The following FBXO34 variants were observed in gnomAD, a reference collection of about 807,000 sequenced individuals.
FBXO34 encodes F-box only protein 34.
Under a neutral mutation model 24.5 loss-of-function variants are expected in FBXO34, and 12 were observed. That is an observed-to-expected ratio of 0.49 (90% CI 0.31 to 0.79). The LOEUF is 0.79. FBXO34 is among the 30% of genes least tolerant of loss of function. The pLI is 0.04. For missense variants in FBXO34, 823 were observed against 857.7 expected, an observed-to-expected ratio of 0.96 and a Z score of 0.51; for synonymous variants, 320 against 311.9, an observed-to-expected ratio of 1.03 and a Z score of -0.27.
intron 1 of FBXO34, among the ~76,000 whole-genome samples, chr14:55,286,768 T>A (rs2139664831): frequency 6.6e-6 from 1 of 152,282 alleles, no homozygotes; most frequent in South Asian, 2.1e-4. Context: ...GAGTATCTCT[T>A]ATCTTACATG....
intron 3 of FBXO34, among the ~76,000 whole-genome samples, chr14:55,361,339 G>A (rs1335451864): frequency 1.3e-5 from 2 of 152,200 alleles, no homozygotes; most frequent in Non-Finnish European, 2.9e-5. Flanking sequence ...CTGAGCAGTA[G>A]GTCTCAATTG....
chr14:55,351,330 A>G lies in FBXO34; in HGVS notation c.940A>G (p.Arg314Gly). 6.2e-7 allele frequency: 1 copy of G among 1,614,246 alleles called. No homozygotes were observed. The highest frequency in any genetic ancestry group is 1.3e-5 in the African/African-American group (1 of 75,070). Reference protein sequence around the residue: ...RNNSFRRNVGRVLLANSTQAD... With the variant: ...RNNSFRRNVGGVLLANSTQAD... ...TAACAGCTTCCGTCGAAATGTGGGC[A>G]GAGTATTGCTTGCAAATAGCACTCA... Residue 314 changes from arginine (R) to glycine (G), a missense_variant, in exon 2 of 2, where the codon AGA (arginine) becomes GGA (glycine). Arg to Gly is a moderately radical substitution (Grantham distance 125). Transcript: ENST00000313833.
the FBXO34 span, among the ~76,000 whole-genome samples, chr14:55,426,831 C>A: frequency 6.6e-6 from 1 of 152,220 alleles, no homozygotes; most frequent in Non-Finnish European, 1.5e-5. Context: ...GCCTTACTGG[C>A]AACCCTTCCA....
At chr14:55,382,671 C>T in the FBXO34 span, among the ~76,000 whole-genome samples, 66 of 152,222 alleles carry the variant, frequency 4.3e-4, no homozygotes, top group East Asian at 0.012. Flanking sequence ...CTGAAATATA[C>T]GTAGATAAGA....
At position 55,323,024 on chromosome 14, in the gene FBXO34, A is replaced by AAAAAAAC. The variant is rs1555337875; in HGVS notation, c.-10-27351_-10-27350insCAAAAAA. Among the ~76,000 whole-genome samples, 540 of 70,620 alleles carry AAAAAAAC rather than the reference A, an allele frequency of 7.6e-3. 6 individuals are homozygous for AAAAAAAC. The highest frequency in any genetic ancestry group is 0.02 in the Middle Eastern group (4 of 198). The allele number at this position is 70,620 out of a possible 152,430, so 46.3% of individuals were successfully genotyped here. On this transcript the variant is annotated intron_variant, in intron 1 of 1. Coordinates refer to ENST00000313833, the MANE Select transcript of FBXO34 (RefSeq NM_017943.4). The stretch of plus-strand genomic sequence containing the variant: ...CCATCTCTACTAAAAATACAAAAAA[A>AAAAAAAC]AAAAAAAAAGCAAAAACGGGCATGA...
At chr14:55,286,393 C>T (rs996061584) in intron 1 of FBXO34, among the ~76,000 whole-genome samples, 1 of 152,102 alleles carries the variant, frequency 6.6e-6, no homozygotes, top group Non-Finnish European at 1.5e-5. Context: ...TTGCGTTGTA[C>T]GGCTGTGGTG....
At position 55,302,837 on chromosome 14, in the gene FBXO34, CTAATG is replaced by C. The variant is rs1012259779; in HGVS notation, c.-11+31304_-11+31308del. On this transcript the variant is annotated intron_variant, in intron 1 of 1. Coordinates refer to ENST00000313833, the MANE Select transcript of FBXO34 (RefSeq NM_017943.4). ...TCTTCTTTGGAAAATCTTTTAAAAA[CTAATG>C]TAAGTAGTTTTGGGGCAAATGCGGC... 8.5e-5 allele frequency among the ~76,000 whole-genome samples: 13 copies of C among 152,180 alleles called. No individual in the cohort carries two copies. The South Asian group carries it at 1.7e-3, about 19-fold the overall frequency.
chr14:55,373,204 T>A (rs1594775696), downstream of FBXO34, among the ~76,000 whole-genome samples: 2 of 152,374 alleles, frequency 1.3e-5, no homozygotes, highest in South Asian at 4.1e-4. Context: ...TTTAGCTGAA[T>A]AATGGATATC....
chr14:55,330,709 T>A (rs1244134835), intron 1 of FBXO34, among the ~76,000 whole-genome samples: 1 of 152,124 alleles, frequency 6.6e-6, no homozygotes, highest in African/African-American at 2.4e-5. Context: ...GAGGATGGCT[T>A]GAGGCTGGGA....
the FBXO34 span, among the ~76,000 whole-genome samples, chr14:55,396,205 G>A: frequency 6.6e-6 from 1 of 152,040 alleles, no homozygotes; most frequent in Non-Finnish European, 1.5e-5. Flanking sequence ...TTCTACAAAT[G>A]TCCACAATAA....
intron 1 of FBXO34, among the ~76,000 whole-genome samples, chr14:55,314,760 T>A (rs1882871863): frequency 6.6e-6 from 1 of 152,258 alleles, no homozygotes. Context: ...TGAACTTTTA[T>A]CACTATTCTT....
chr14:55,401,777 A>G, the FBXO34 span, among the ~76,000 whole-genome samples: 1 of 152,214 alleles, frequency 6.6e-6, no homozygotes, highest in Admixed American at 6.5e-5. Flanking sequence ...GAAAGCACAC[A>G]ACCCAGCTCG....
chr14:55,362,061 GCCTT>G (rs1884601219), downstream of FBXO34: 1 of 152,194 alleles, frequency 6.6e-6, no homozygotes, highest in South Asian at 2.1e-4. Flanking sequence ...CTTTTGACAT[GCCTT>G]CCTTACTAAG....
the FBXO34 span, chr14:55,428,709 TAA>T: frequency 3.8e-6 from 5 of 1,306,246 alleles, no homozygotes; most frequent in Non-Finnish European, 4.2e-6. Context: ...TTTTTTTTTT[TAA>T]TCACAATTTC....
chr14:55,335,199 A>G (rs1883733884), intron 1 of FBXO34: 1 of 152,232 alleles, frequency 6.6e-6, no homozygotes. Context: ...GTAGGGGACT[A>G]GAATGCAGTT....
chr14:55,287,093 A>T lies in FBXO34; in HGVS notation c.-11+15556A>T, dbSNP rs1326252683. ...GGCTAGTTTTTGTATTTTAGTAGAG[A>T]TGGGGTTTCACCTTGTTGGCCAGGC... On this transcript the variant is annotated intron_variant, in intron 1 of 1. Coordinates refer to ENST00000313833, the MANE Select transcript of FBXO34 (RefSeq NM_017943.4). Among the ~76,000 whole-genome samples, 5 of 151,866 alleles carry T rather than the reference A, an allele frequency of 3.3e-5. No homozygotes were observed. The South Asian group carries it at 1.0e-3, about 32-fold the overall frequency.
At chr14:55,438,048 A>G in the FBXO34 span, among the ~76,000 whole-genome samples, 2,110 of 152,296 alleles carry the variant, frequency 0.014, 61 homozygotes, top group Non-Finnish European at 0.012. Context: ...ATGGGAAAAA[A>G]TCGATTAGCT....
At chr14:55,377,416 G>C in the FBXO34 span, among the ~76,000 whole-genome samples, 1 of 152,056 alleles carries the variant, frequency 6.6e-6, no homozygotes, top group Non-Finnish European at 1.5e-5. Context: ...AAAATGTGCA[G>C]GAAACAGGGC....
intron 1 of FBXO34, among the ~76,000 whole-genome samples, chr14:55,323,223 ATAT>A (rs1479276523): frequency 0.027 from 503 of 18,500 alleles, 30 homozygotes; most frequent in East Asian, 0.071. Context: ...AAAAAAATAT[ATAT>A]TTTTTTTTTT....
Sources: allele counts gnomAD v4.1 joint callset (sites outside exome capture counted in the v4.1 genomes callset), GRCh38; gene constraint gnomAD v4.1.1; transcripts MANE v1.5; gene names NCBI Gene and HGNC (gene_info 2026-07-23, HGNC 2026-07-21).